VTI1B: variants seen among roughly 807,000 people sequenced by gnomAD.
The protein encoded by VTI1B is vesicle transport through interaction with t-SNAREs 1B.
Under a neutral mutation model 28.6 loss-of-function variants are expected in VTI1B, and 18 were observed. That is an observed-to-expected ratio of 0.63 (90% confidence interval 0.43 to 0.93). The LOEUF is 0.93. VTI1B is among the 40% of genes least tolerant of loss of function. The pLI is 0.00. For missense variants in VTI1B, 283 were observed against 297.0 expected, an observed-to-expected ratio of 0.95 and a Z score of 0.35; for synonymous variants, 100 against 107.9, an observed-to-expected ratio of 0.93 and a Z score of 0.46.
chr14:67,663,053 T>C lies in VTI1B; in HGVS notation c.116-518A>G, dbSNP rs1032045705. On this transcript the variant is annotated intron_variant, in intron 1 of 5. Transcript: ENST00000554659. ...CTCGGCTTGCTGAGAGGCTGTCTGGTGTGGTGCTTGTTTTTCTCTGGGTGT... is the reference window on the plus strand; with the variant it reads ...CTCGGCTTGCTGAGAGGCTGTCTGGCGTGGTGCTTGTTTTTCTCTGGGTGT... 8.9e-6 allele frequency: 13 copies of C among 1,456,018 alleles called. No individual in the cohort carries two copies. In the African/African-American group the frequency reaches 1.3e-4, roughly 14 times the overall value. 90.2% of individuals were successfully genotyped at this position (1,456,018 alleles called of 1,614,324 possible). A position where few individuals can be genotyped will look rare whatever the true frequency, so the allele number is the denominator to read the frequency against.
chr14:67,674,445 G>C lies in VTI1B; in HGVS notation c.45C>G (p.His15Gln). ...AASSEHFEKL[H>Q]EIFRGLHEDL... ...CTTCATGGAGGCCGCGGAAGATCTC[G>C]TGCAGCTTCTCGAAATGCTCCGAGG... The change falls in exon 1 of 6, where the codon CAC becomes CAG. Residue 15 changes from histidine to glutamine, a missense_variant. Physicochemically the swap from His to Gln is conservative, Grantham distance 24. Coordinates refer to ENST00000554659, the MANE Select transcript of VTI1B (RefSeq NM_006370.3). 6.2e-7 allele frequency: 1 copy of C among 1,609,396 alleles called. No homozygotes were observed. Among genetic ancestry groups the C allele is most frequent in the East Asian group, 2.2e-5 (1 of 44,764 alleles).
chr14:67,652,502 T>C (rs116312641), intron 5 of VTI1B: 1,757 of 167,542 alleles, frequency 0.01, 42 homozygotes, highest in African/African-American at 0.039. Context: ...TGGAATTCCA[T>C]TCTTCTCCTG....
At chr14:67,668,954 A>G (rs1280615631) in intron 1 of VTI1B, among the ~76,000 whole-genome samples, 3 of 151,588 alleles carry the variant, frequency 2.0e-5, no homozygotes, top group Non-Finnish European at 2.9e-5. Context: ...AGTACTCTGG[A>G]AAAAAAAAGG....
intron 3 of VTI1B, among the ~76,000 whole-genome samples, chr14:67,658,582 G>A (rs1003616103): frequency 1.3e-5 from 2 of 152,052 alleles, no homozygotes; most frequent in Admixed American, 6.5e-5. Context: ...GGGTGACAGA[G>A]CGAGACTCCG....
intron 1 of VTI1B, among the ~76,000 whole-genome samples, chr14:67,669,699 C>T (rs553868305): frequency 2.0e-5 from 3 of 152,174 alleles, no homozygotes; most frequent in Non-Finnish European, 4.4e-5. Context: ...ATGTTTCTTA[C>T]TTAAGTTCAT....
rs2234515 is a variant in VTI1B, at chr14:67,662,467, T to C, written c.174+10A>G. 2,955 of 1,612,472 alleles carry C rather than the reference T, an allele frequency of 1.8e-3. 7 individuals carry two copies. Among genetic ancestry groups the C allele is most frequent in the Middle Eastern group, 6.6e-3 (40 of 6,052 alleles). On this transcript the variant is annotated intron_variant, in intron 2 of 5. Coordinates refer to ENST00000554659, the MANE Select transcript of VTI1B (RefSeq NM_006370.3). ...AGGTAGAAGAAACAAAATTTGTTCC[T>C]TGTTCTCACCGTTTCATTTGCTTCC...
chr14:67,660,069 T>A, intron 2 of VTI1B, 147 bp from the exon 3 acceptor site: 4 of 804,284 alleles, frequency 5.0e-6, no homozygotes, highest in Non-Finnish European at 7.6e-6. Context: ...GGACCATGTC[T>A]GGCATGTTCC....
At position 67,647,098 on chromosome 14, in the gene VTI1B, G is replaced by C. The variant is rs1195766452; in HGVS notation, c.*4287C>G. ...ACTTTTAGCCTGTTTCTTGAGGACA[G>C]CAGCTTTACTTTTAAAATACAAAGC... On this transcript the variant is annotated 3_prime_UTR_variant, in exon 6 of 6. Coordinates refer to ENST00000554659, the MANE Select transcript of VTI1B (RefSeq NM_006370.3). The C allele has an allele frequency of 6.2e-6, 6 of 974,464 alleles. No individual in the cohort carries two copies. The Admixed American group carries it at 1.2e-4, about 20-fold the overall frequency. The allele number at this position is 974,464 out of a possible 1,614,324, so 60.4% of individuals were successfully genotyped here. A position where few individuals can be genotyped will look rare whatever the true frequency, so the allele number is the denominator to read the frequency against.
rs146627464 is a variant in VTI1B at position 67,654,534 on chromosome 14, G to A, written c.541-1036C>T. ...ACATTCTCCATAGCTTGCCTTGAAT[G>A]TAGTACTTTATTGTGAATTTTCACT... On this transcript the variant is annotated intron_variant, in intron 4 of 5. Transcript: ENST00000554659. Among the ~76,000 whole-genome samples the A allele has an allele frequency of 2.1e-3, 314 of 152,278 alleles. 2 individuals carry two copies. The highest frequency in any genetic ancestry group is 5.1e-3 in the Admixed American group (78 of 15,294).
Position 67,656,485 on chromosome 14 carries a change from G to C in VTI1B, c.471C>G (p.Asp157Glu). ...CTTCTATGATTTCTGAGCCAATCTG[G>C]TCAGTCTCTGTGGCAATCCGATGAG... Reference protein sequence around the residue: ...ERSHRIATETDQIGSEIIEEL... With the variant: ...ERSHRIATETEQIGSEIIEEL... Residue 157 changes from aspartate to glutamate, a missense_variant, in exon 4 of 6, where the codon GAC becomes GAG. Coordinates refer to ENST00000554659, the MANE Select transcript of VTI1B (RefSeq NM_006370.3). The C allele has an allele frequency of 6.2e-7, 1 of 1,613,754 alleles. No homozygotes were observed. Among genetic ancestry groups the C allele is most frequent in the Non-Finnish European group, 8.5e-7 (1 of 1,179,830 alleles).
rs564338684 is a variant in VTI1B at position 67,662,744 on chromosome 14, C to T, written c.116-209G>A. Among the ~76,000 whole-genome samples the T allele has an allele frequency of 9.8e-4, 149 of 151,798 alleles. 1 individual carries two copies. The highest frequency in any genetic ancestry group is 3.4e-3 in the African/African-American group (141 of 41,382). On this transcript the variant is annotated intron_variant, in intron 1 of 5. Coordinates refer to ENST00000554659, the MANE Select transcript of VTI1B (RefSeq NM_006370.3). ...CCTGGTGAAACCCCATCTCTACTAA[C>T]GATACAAAAATTAGCCGGGCGTGGT...
chr14:67,656,308 T>C (rs1367831375), intron 4 of VTI1B, 108 bp downstream of exon 4: 1 of 1,047,626 alleles, frequency 9.5e-7, no homozygotes, highest in Non-Finnish European at 1.3e-6. Flanking sequence ...AAAAAGACTA[T>C]TCCCTGAATA....
At chr14:67,672,199 A>C (rs1052498385) in intron 1 of VTI1B, among the ~76,000 whole-genome samples, 1 of 151,164 alleles carries the variant, frequency 6.6e-6, no homozygotes, top group African/African-American at 2.4e-5. Context: ...GCTCACTGCA[A>C]CCTCCAGCTC....
chr14:67,648,327 C>A lies in VTI1B; in HGVS notation c.*3058G>T. On this transcript the variant is annotated 3_prime_UTR_variant, in exon 6 of 6. Transcript: ENST00000554659. ...CTTTTGTAGCTAAAAATTATATGGC[C>A]ATGCTAATAAAAAGGATATAGTCCT... 1.1e-6 allele frequency: 1 copy of A among 884,984 alleles called. No individual in the cohort carries two copies. The highest frequency in any genetic ancestry group is 1.6e-6 in the Non-Finnish European group (1 of 607,300). The allele number at this position is 884,984 out of a possible 1,614,324, so 54.8% of individuals were successfully genotyped here.
intron 2 of VTI1B, among the ~76,000 whole-genome samples, chr14:67,661,088 A>T (rs1006481430): frequency 6.6e-6 from 1 of 152,046 alleles, no homozygotes; most frequent in Non-Finnish European, 1.5e-5. Flanking sequence ...GATCTTCAAC[A>T]AGCAAGAAGG....
In VTI1B at chr14:67,674,390, C is replaced by T. The variant is rs1186017589; in HGVS notation, c.100G>A (p.Gly34Arg). 2 of 1,601,430 alleles carry T rather than the reference C, an allele frequency of 1.2e-6. No homozygotes were observed. Among genetic ancestry groups the T allele is most frequent in the South Asian group, 1.1e-5 (1 of 89,674 alleles). Reference protein sequence around the residue: ...DLQGVPERLLGTAGTEEKKKL... With the variant: ...DLQGVPERLLRTAGTEEKKKL... ...CCCGCCTCACCGGTCCCCGCCGTCC[C>T]CAGCAGCCGCTCGGGCACCCCTTGT... The change falls in exon 1 of 6, where the codon GGG becomes AGG. Residue 34 changes from glycine to arginine, a missense_variant. Gly to Arg is a moderately radical substitution (Grantham distance 125). Transcript: ENST00000554659.
intron 5 of VTI1B, 141 bp from the exon 6 acceptor site, chr14:67,651,622 A>C: frequency 1.4e-5 from 12 of 885,938 alleles, no homozygotes; most frequent in East Asian, 5.7e-5. Context: ...GGAAGTACTC[A>C]TAAGGTTCTT....
intron 1 of VTI1B, among the ~76,000 whole-genome samples, chr14:67,666,589 T>A (rs1230730619): frequency 6.6e-6 from 1 of 152,222 alleles, no homozygotes; most frequent in Non-Finnish European, 1.5e-5. Flanking sequence ...TCTACCCAAC[T>A]GAGAGGGATC....
intron 2 of VTI1B, chr14:67,660,133 G>A (rs560276826): frequency 2.8e-5 from 14 of 496,162 alleles, no homozygotes; most frequent in African/African-American, 2.3e-4. Context: ...AGGCATTCGA[G>A]TATATGAACT....
Sources: allele counts gnomAD v4.1 joint callset (sites outside exome capture counted in the v4.1 genomes callset), GRCh38; gene constraint gnomAD v4.1.1; transcripts MANE v1.5; gene names NCBI Gene and HGNC (gene_info 2026-07-23, HGNC 2026-07-21).